Variants in COG5 observed in about 807,000 individuals in gnomAD.
COG5 encodes the protein component of oligomeric golgi complex 5.
Under a neutral mutation model 110.4 loss-of-function variants are expected in COG5, and 86 were observed. That is an observed-to-expected ratio of 0.78 (90% CI 0.65 to 0.93). The LOEUF (loss-of-function observed/expected upper bound fraction) is 0.93, where lower values mean the gene tolerates loss of function less well. COG5 is among the 40% of genes least tolerant of loss of function. The pLI is 0.00. For synonymous variants in COG5, 360 were observed against 334.6 expected, an observed-to-expected ratio of 1.08 and a Z score of -0.83; for missense variants, 1,077 against 987.0, an observed-to-expected ratio of 1.09 and a Z score of -1.22.
At chr7:107,508,236 C>G (rs576726769) in intron 6 of COG5, among the ~76,000 whole-genome samples, 1 of 152,218 alleles carries the variant, frequency 6.6e-6, no homozygotes, top group Non-Finnish European at 1.5e-5. Context: ...GATTATATCC[C>G]GCACCTGGCT....
intron 11 of COG5, among the ~76,000 whole-genome samples, chr7:107,310,757 G>A (rs1562962632): frequency 6.6e-6 from 1 of 152,168 alleles, no homozygotes; most frequent in Admixed American, 6.5e-5. Flanking sequence ...CCCAAAAGAA[G>A]AGGCAAGGGC....
intron 14 of COG5, among the ~76,000 whole-genome samples, chr7:107,271,836 G>C (rs1804300157): frequency 1.3e-5 from 2 of 151,246 alleles, no homozygotes; most frequent in Non-Finnish European, 2.9e-5. Context: ...ATAGATCCTT[G>C]ATTGAGATCT....
chr7:107,308,942 A>G (rs929250316), intron 11 of COG5, among the ~76,000 whole-genome samples: 13 of 140,834 alleles, frequency 9.2e-5, no homozygotes, highest in African/African-American at 2.9e-4. Flanking sequence ...AAAGGGTTAC[A>G]GAATTATTCT....
At chr7:107,441,659 A>G (rs1410899897) in intron 6 of COG5, among the ~76,000 whole-genome samples, 1 of 152,212 alleles carries the variant, frequency 6.6e-6, no homozygotes, top group Non-Finnish European at 1.5e-5. Context: ...CCAGCTCCAC[A>G]TAACATATTT....
At chr7:107,361,451 C>T (rs1230243401) in intron 10 of COG5, among the ~76,000 whole-genome samples, 3 of 152,092 alleles carry the variant, frequency 2.0e-5, no homozygotes, top group African/African-American at 7.2e-5. Flanking sequence ...TATAAGCTGT[C>T]ATTTATATGA....
chr7:107,302,770 A>T (rs1807384520), intron 11 of COG5, among the ~76,000 whole-genome samples: 1 of 152,176 alleles, frequency 6.6e-6, no homozygotes, highest in Non-Finnish European at 1.5e-5. Context: ...TTCACTACAA[A>T]AGTAGTAGTT....
intron 10 of COG5, among the ~76,000 whole-genome samples, chr7:107,355,931 C>T (rs535829487): frequency 6.6e-6 from 1 of 152,184 alleles, no homozygotes; most frequent in East Asian, 1.9e-4. Flanking sequence ...ACTATTGTTA[C>T]ATTATCAACT....
intron 14 of COG5, among the ~76,000 whole-genome samples, chr7:107,265,141 C>A (rs563356034): frequency 6.6e-6 from 1 of 152,258 alleles, no homozygotes; most frequent in South Asian, 2.1e-4. Flanking sequence ...CAATCTCTAT[C>A]TCTGAAAGAT....
chr7:107,268,234 C>T (rs1001090215), intron 14 of COG5, among the ~76,000 whole-genome samples: 2 of 152,138 alleles, frequency 1.3e-5, no homozygotes, highest in Admixed American at 1.3e-4. Context: ...TCCCAAAGTG[C>T]AGGGATTACA....
At chr7:107,302,928 T>TA (rs1807396872) in intron 11 of COG5, among the ~76,000 whole-genome samples, 1 of 152,216 alleles carries the variant, frequency 6.6e-6, no homozygotes, top group Admixed American at 6.5e-5. Flanking sequence ...TGTGTTGTAA[T>TA]AAAGTTCTAA....
intron 16 of COG5, among the ~76,000 whole-genome samples, chr7:107,254,556 A>G (rs920526227): frequency 1.3e-5 from 2 of 152,134 alleles, no homozygotes; most frequent in African/African-American, 4.8e-5. Context: ...CGAGTTCGAA[A>G]AGGCAAAATT....
At chr7:107,498,350 T>C (rs956454863) in intron 6 of COG5, among the ~76,000 whole-genome samples, 17 of 152,094 alleles carry the variant, frequency 1.1e-4, no homozygotes, top group African/African-American at 2.4e-5. Context: ...ACCTATGAAA[T>C]GCGAGAAAAT....
At chr7:107,280,343 A>G (rs1374533480) in intron 14 of COG5, among the ~76,000 whole-genome samples, 2 of 152,102 alleles carry the variant, frequency 1.3e-5, no homozygotes, top group Non-Finnish European at 2.9e-5. Context: ...TGGGAACTAA[A>G]AGAAGGAAGC....
At chr7:107,226,254 T>G (rs1800328274) in intron 19 of COG5, among the ~76,000 whole-genome samples, 1 of 152,218 alleles carries the variant, frequency 6.6e-6, no homozygotes, top group African/African-American at 2.4e-5. Context: ...CAACTGGTTT[T>G]GGTTTGATTG....
chr7:107,389,172 T>C (rs996329942), intron 7 of COG5, among the ~76,000 whole-genome samples: 2 of 152,162 alleles, frequency 1.3e-5, no homozygotes, highest in East Asian at 3.9e-4. Flanking sequence ...TCCCAGCCTA[T>C]AATAACGTGA....
rs947838130 is a variant in COG5, at chr7:107,526,439, G to C, written c.538+798C>G. Among the ~76,000 whole-genome samples the C allele has an allele frequency of 7.2e-5, 11 of 152,170 alleles. No individual in the cohort carries two copies. In the East Asian group the frequency reaches 1.3e-3, roughly 19 times the overall value. On this transcript the variant is annotated intron_variant, in intron 6 of 21. Transcript: ENST00000297135. ...TCAAAACCATGAACATTAAACTCTT[G>C]ACTGTCAAGGTCCTGCAATAAATGT... is the stretch of plus-strand genomic sequence containing the variant.
intron 11 of COG5, among the ~76,000 whole-genome samples, chr7:107,309,709 C>T (rs1053426627): frequency 6.6e-6 from 1 of 152,170 alleles, no homozygotes; most frequent in Non-Finnish European, 1.5e-5. Context: ...GTGGTTGTGT[C>T]ACACATCTAC....
chr7:107,218,194 A>G (rs1418339821), intron 19 of COG5, among the ~76,000 whole-genome samples: 1 of 152,092 alleles, frequency 6.6e-6, no homozygotes, highest in Non-Finnish European at 1.5e-5. Flanking sequence ...CATTGATGAA[A>G]TAAATTGACA....
In COG5 at chr7:107,505,479, G is replaced by A. The variant is rs117672425; in HGVS notation, c.538+21758C>T. ...GCACTTGGAAAGTGCTCCTCCTGTG[G>A]GGATGCAGTCACCCTGAAGTGTTTC... On this transcript the variant is annotated intron_variant, in intron 6 of 21. Coordinates refer to ENST00000297135, the MANE Select transcript of COG5 (RefSeq NM_006348.5). Among the ~76,000 whole-genome samples the A allele has an allele frequency of 3.9e-3, 599 of 152,284 alleles. 11 individuals carry two copies. The East Asian group carries it at 0.061, about 16-fold the overall frequency.
Sources: gnomAD v4.1 joint callset for allele counts (sites outside exome capture counted in the v4.1 genomes callset) on GRCh38, gnomAD v4.1.1 for gene constraint, MANE v1.5 for transcripts, NCBI Gene and HGNC (gene_info 2026-07-23, HGNC 2026-07-21) for gene names.